Variants in IPO11 observed in about 807,000 individuals in gnomAD.
The protein encoded by IPO11 is importin 11.
Under a neutral mutation model 143.2 loss-of-function variants are expected in IPO11, and 66 were observed. The ratio of observed to expected loss-of-function variants is 0.46; its 90% CI spans 0.38 to 0.57. The LOEUF (loss-of-function observed/expected upper bound fraction) is 0.57. Among genes scored for constraint, IPO11 ranks in the 20% least tolerant of loss-of-function variants. The pLI, the probability that IPO11 is intolerant of heterozygous loss-of-function variation, is 0.00. For synonymous variants in IPO11, 385 were observed against 377.8 expected (o/e 1.02, Z -0.22); for missense variants, 1,026 against 1,141.0 (o/e 0.90, Z 1.45).
chr5:62,517,053 C>G (rs894666602), intron 20 of IPO11, among the ~76,000 whole-genome samples: 9 of 151,986 alleles, frequency 5.9e-5, no homozygotes, highest in African/African-American at 2.2e-4. Flanking sequence ...AAAAAATTAG[C>G]CAGGCGTGGT....
At chr5:62,570,338 A>G (rs983732859) in intron 27 of IPO11, among the ~76,000 whole-genome samples, 9 of 152,158 alleles carry the variant, frequency 5.9e-5, no homozygotes, top group Non-Finnish European at 7.4e-5. Flanking sequence ...CACTTTTTGA[A>G]GTATTTTGAG....
At chr5:62,573,085 C>G (rs918316992) in intron 27 of IPO11, among the ~76,000 whole-genome samples, 3 of 149,284 alleles carry the variant, frequency 2.0e-5, no homozygotes, top group Admixed American at 2.0e-4. Flanking sequence ...TTCACACTGT[C>G]GCCCAGGCTG....
intron 1 of IPO11, among the ~76,000 whole-genome samples, chr5:62,416,327 C>T (rs1157314458): frequency 5.9e-5 from 9 of 151,714 alleles, no homozygotes; most frequent in Admixed American, 2.6e-4. Context: ...GGATTACAGG[C>T]GCTCACCACC....
At chr5:62,539,601 C>T (rs1742859499) in intron 24 of IPO11, among the ~76,000 whole-genome samples, 5 of 152,186 alleles carry the variant, frequency 3.3e-5, no homozygotes, top group Admixed American at 3.3e-4. Context: ...TAACAGTAAT[C>T]TGTGCTTGTG....
intron 18 of IPO11, among the ~76,000 whole-genome samples, chr5:62,505,220 C>G (rs1247295759): frequency 1.3e-5 from 2 of 151,194 alleles, no homozygotes; most frequent in Non-Finnish European, 3.0e-5. Context: ...CTTTTTTGCT[C>G]CTTAGGTTAT....
chr5:62,540,930 C>T (rs902060156), intron 24 of IPO11, among the ~76,000 whole-genome samples: 1 of 152,106 alleles, frequency 6.6e-6, no homozygotes, highest in Non-Finnish European at 1.5e-5. Context: ...CAAGTTGTTC[C>T]ACTTTACTCT....
chr5:62,481,769 G>C (rs545799468), intron 9 of IPO11, among the ~76,000 whole-genome samples: 19 of 152,246 alleles, frequency 1.2e-4, no homozygotes, highest in African/African-American at 4.3e-4. Context: ...TTGTATCTCT[G>C]CGAGGCTTTG....
At position 62,506,371 on chromosome 5, in the gene IPO11, A is replaced by C. The variant is rs1188722518; in HGVS notation, c.1782+14A>C. On this transcript the variant is annotated intron_variant, in intron 19 of 29. Coordinates refer to ENST00000325324, the MANE Select transcript of IPO11 (RefSeq NM_016338.5). ...GTCAACATGCAGGTAATTATATTGT[A>C]AAACATGAAAATAAATGAGGGGTGG... 2.1e-6 allele frequency: 3 copies of C among 1,447,860 alleles called. No individual in the cohort carries two copies. The highest frequency in any genetic ancestry group is 2.9e-6 in the Non-Finnish European group (3 of 1,033,230). The allele number at this position is 1,447,860 out of a possible 1,614,324, so 89.7% of individuals were successfully genotyped here.
At chr5:62,442,216 G>A (rs1744509171) in intron 2 of IPO11, among the ~76,000 whole-genome samples, 1 of 152,138 alleles carries the variant, frequency 6.6e-6, no homozygotes, top group Admixed American at 6.5e-5. Flanking sequence ...TTCATAGCAT[G>A]TATTAACCCC....
At chr5:62,586,768 A>AAAAT (rs1554057003) in intron 27 of IPO11, among the ~76,000 whole-genome samples, 3 of 28,912 alleles carry the variant, frequency 1.0e-4, no homozygotes, top group Admixed American at 4.9e-4. Context: ...AAAAAAAAAA[A>AAAAT]ATATATATAT....
chr5:62,413,638 T>G (rs1743196445), intron 1 of IPO11, among the ~76,000 whole-genome samples: 1 of 152,232 alleles, frequency 6.6e-6, no homozygotes, highest in African/African-American at 2.4e-5. Context: ...TACCTACTAG[T>G]GCCAAGGTTG....
chr5:62,590,785 A>T (rs947097451), intron 27 of IPO11, among the ~76,000 whole-genome samples: 6 of 152,170 alleles, frequency 3.9e-5, no homozygotes, highest in African/African-American at 1.4e-4. Context: ...AATTTTTTAA[A>T]ATTTCATTGC....
rs528688434 is a variant in IPO11, at chr5:62,560,283, A to G, written c.2461-853A>G. Among the ~76,000 whole-genome samples the G allele has an allele frequency of 1.1e-4, 16 of 152,290 alleles. No individual in the cohort carries two copies. The East Asian group carries it at 3.1e-3, about 29-fold the overall frequency. Reference sequence around the variant, plus strand: ...CATTTTTGTCTCCGCAGTCAGATTAAAGAATTGGCATACATAATTTTCGGG... The same window carrying G: ...CATTTTTGTCTCCGCAGTCAGATTAGAGAATTGGCATACATAATTTTCGGG... On this transcript the variant is annotated intron_variant, in intron 26 of 29. Coordinates refer to ENST00000325324, the MANE Select transcript of IPO11 (RefSeq NM_016338.5).
At chr5:62,501,526 G>A (rs922058394) in intron 16 of IPO11, among the ~76,000 whole-genome samples, 1 of 152,006 alleles carries the variant, frequency 6.6e-6, no homozygotes, top group African/African-American at 2.4e-5. Context: ...TTTCTTGAAA[G>A]GAGATGAATT....
intron 1 of IPO11, chr5:62,419,096 C>A: frequency 6.4e-7 from 1 of 1,550,708 alleles, no homozygotes; most frequent in South Asian, 1.2e-5. Context: ...CATGTTACTG[C>A]ACTGAATACT....
chr5:62,486,204 TCTC>T (rs558768920), intron 12 of IPO11, among the ~76,000 whole-genome samples: 7 of 152,122 alleles, frequency 4.6e-5, no homozygotes, highest in Admixed American at 3.9e-4. Flanking sequence ...TTGGTCTCGA[TCTC>T]CTGACCTCGT....
intron 27 of IPO11, among the ~76,000 whole-genome samples, chr5:62,586,786 T>TATAA (rs1744808287): frequency 1.5e-5 from 2 of 136,988 alleles, no homozygotes; most frequent in Non-Finnish European, 3.2e-5. Context: ...TATATATATA[T>TATAA]ATATATATAT....
intron 1 of IPO11, among the ~76,000 whole-genome samples, chr5:62,417,499 C>G (rs1743343312): frequency 6.6e-6 from 1 of 152,018 alleles, no homozygotes; most frequent in South Asian, 2.1e-4. Flanking sequence ...TCTTATACTT[C>G]TGGGACACCA....
chr5:62,512,427 T>G (rs1298511769), intron 19 of IPO11: 5 of 1,361,860 alleles, frequency 3.7e-6, no homozygotes, highest in Admixed American at 1.7e-5. Context: ...GACATGTCGA[T>G]ACTCAAACTC....
Sources: gnomAD v4.1 joint callset for allele counts (sites outside exome capture counted in the v4.1 genomes callset) on GRCh38, gnomAD v4.1.1 for gene constraint, MANE v1.5 for transcripts, NCBI Gene and HGNC (gene_info 2026-07-23, HGNC 2026-07-21) for gene names.